GALNT7: variants seen among roughly 807,000 people sequenced by gnomAD.
GALNT7 encodes polypeptide N-acetylgalactosaminyltransferase 7.
Under a neutral mutation model 82.1 loss-of-function variants are expected in GALNT7, and 60 were observed. That is an observed-to-expected ratio of 0.73 (90% confidence interval 0.59 to 0.91). The LOEUF (loss-of-function observed/expected upper bound fraction) is 0.91. GALNT7 is among the 40% of genes least tolerant of loss of function. GALNT7 has a pLI of 0.00. For missense variants in GALNT7, 660 were observed against 804.2 expected (o/e 0.82, Z 2.17); for synonymous variants, 243 against 275.1 (o/e 0.88, Z 1.15).
chr4:173,238,193 CT>C (rs751939482), intron 1 of GALNT7, among the ~76,000 whole-genome samples: 6 of 151,982 alleles, frequency 3.9e-5, no homozygotes, highest in Non-Finnish European at 7.4e-5. Context: ...TCTTTCATTA[CT>C]TTGCTTTCAT....
intron 2 of GALNT7, among the ~76,000 whole-genome samples, chr4:173,276,623 T>C (rs1735922571): frequency 6.6e-6 from 1 of 152,170 alleles, no homozygotes; most frequent in Non-Finnish European, 1.5e-5. Context: ...TAGCTATCCA[T>C]CAGAGAGGGA....
In GALNT7 at chr4:173,317,719, TG is replaced by T; in HGVS notation, c.1697del (p.Gly566GlufsTer21). 6.2e-7 allele frequency: 1 copy of T among 1,606,888 alleles called. No individual in the cohort carries two copies. Among genetic ancestry groups the T allele is most frequent in the Non-Finnish European group, 8.5e-7 (1 of 1,173,454 alleles). The part of the protein sequence containing the change: ...GFVELGPCHR[M>X]GGNQLFRINE... Reference sequence around the variant, plus strand: ...GTTGAACTAGGACCCTGCCACAGGATGGGAGGGAATCAGGTAAACCACCTTA... The same window carrying T: ...GTTGAACTAGGACCCTGCCACAGGATGGAGGGAATCAGGTAAACCACCTTA... On this transcript the variant is annotated frameshift_variant, in exon 10 of 12. Coordinates refer to ENST00000265000, the MANE Select transcript of GALNT7 (RefSeq NM_017423.3). LOFTEE classifies it high-confidence loss of function.
At chr4:173,269,023 G>A (rs967436525) in intron 2 of GALNT7, among the ~76,000 whole-genome samples, 4 of 151,988 alleles carry the variant, frequency 2.6e-5, no homozygotes, top group African/African-American at 9.7e-5. Context: ...ATAGTTAGTG[G>A]GCAAAATGCC....
chr4:173,208,766 C>G (rs1733180593), intron 1 of GALNT7, among the ~76,000 whole-genome samples: 1 of 152,142 alleles, frequency 6.6e-6, no homozygotes, highest in Admixed American at 6.5e-5. Context: ...GCAAATGTGC[C>G]TAGCTTGCCA....
At chr4:173,182,352 T>C (rs1334590355) in intron 1 of GALNT7, among the ~76,000 whole-genome samples, 2 of 152,200 alleles carry the variant, frequency 1.3e-5, no homozygotes, top group East Asian at 3.8e-4. Flanking sequence ...TTCAGTATTT[T>C]TGTTTTCTGG....
intron 5 of GALNT7, among the ~76,000 whole-genome samples, chr4:173,296,518 G>A (rs1010938639): frequency 1.2e-4 from 19 of 152,190 alleles, no homozygotes; most frequent in African/African-American, 4.6e-4. Flanking sequence ...TAATGTGAAG[G>A]CCGAACATGA....
intron 1 of GALNT7, among the ~76,000 whole-genome samples, chr4:173,187,993 T>G (rs181740549): frequency 1.8e-4 from 28 of 152,344 alleles, no homozygotes; most frequent in Non-Finnish European, 3.5e-4. Context: ...GGCTCTTCTT[T>G]TCTATGTCTT....
chr4:173,284,399 A>G (rs1736234242), intron 2 of GALNT7, among the ~76,000 whole-genome samples: 1 of 152,244 alleles, frequency 6.6e-6, no homozygotes, highest in Admixed American at 6.5e-5. Flanking sequence ...GCAAATATTC[A>G]GACATTAGAA....
chr4:173,304,222 C>A, intron 8 of GALNT7, 104 bp downstream of exon 8: 1 of 877,780 alleles, frequency 1.1e-6, no homozygotes, highest in Non-Finnish European at 1.7e-6. Flanking sequence ...GGCTCTTCAG[C>A]AGTCATGTTG....
At chr4:173,300,423 G>A (rs775981401) in intron 6 of GALNT7, among the ~76,000 whole-genome samples, 9 of 152,224 alleles carry the variant, frequency 5.9e-5, no homozygotes, top group Non-Finnish European at 1.3e-4. Flanking sequence ...TTTATGGAAA[G>A]ATGAACCTAA....
chr4:173,227,241 G>A (rs1451391717), intron 1 of GALNT7, among the ~76,000 whole-genome samples: 2 of 152,128 alleles, frequency 1.3e-5, no homozygotes, highest in Non-Finnish European at 2.9e-5. Context: ...AGTATCTTGA[G>A]GAAGATTGAA....
rs1732041313 is a variant in GALNT7, at chr4:173,176,305, G to A, written c.126+7344G>A. Among the ~76,000 whole-genome samples, 11 of 152,156 alleles carry A rather than the reference G, an allele frequency of 7.2e-5. 3 individuals carry two copies. The South Asian group carries it at 2.3e-3, about 32-fold the overall frequency. ...TGGCCGGAGTTTGTTGAGTTTGGAG[G>A]TAGTACAGTACGGGATGAGCTTGAA... On this transcript the variant is annotated intron_variant, in intron 1 of 11. Coordinates refer to ENST00000265000, the MANE Select transcript of GALNT7 (RefSeq NM_017423.3).
chr4:173,316,882 T>C (rs1489002488), intron 9 of GALNT7: 1 of 152,276 alleles, frequency 6.6e-6, no homozygotes, highest in Non-Finnish European at 1.5e-5. Context: ...CACACCTCTG[T>C]CCTGACTGGT....
chr4:173,240,806 T>C (rs1244444664), intron 1 of GALNT7, among the ~76,000 whole-genome samples: 1 of 152,214 alleles, frequency 6.6e-6, no homozygotes, highest in East Asian at 1.9e-4. Context: ...CTTGTTTGGC[T>C]TCTTCAATGA....
chr4:173,277,151 G>T (rs1735941534), intron 2 of GALNT7, among the ~76,000 whole-genome samples: 1 of 152,126 alleles, frequency 6.6e-6, no homozygotes, highest in African/African-American at 2.4e-5. Context: ...TTTAGACATG[G>T]ATTATTTGCC....
At chr4:173,232,383 C>T (rs182854984) in intron 1 of GALNT7, among the ~76,000 whole-genome samples, 1 of 151,718 alleles carries the variant, frequency 6.6e-6, no homozygotes, top group Admixed American at 6.6e-5. Context: ...TTGATACATG[C>T]ATACAGTGTG....
intron 6 of GALNT7, among the ~76,000 whole-genome samples, chr4:173,299,366 G>A (rs1286255711): frequency 6.6e-6 from 1 of 151,862 alleles, no homozygotes; most frequent in Non-Finnish European, 1.5e-5. Flanking sequence ...AAATAACTGT[G>A]GGAGAAAAAA....
At chr4:173,273,774 CCTT>C (rs1735808608) in intron 2 of GALNT7, among the ~76,000 whole-genome samples, 1 of 152,128 alleles carries the variant, frequency 6.6e-6, no homozygotes, top group Admixed American at 6.5e-5. Flanking sequence ...CTTTTTCCCT[CCTT>C]CTATTTTTAA....
intron 11 of GALNT7, among the ~76,000 whole-genome samples, chr4:173,321,132 G>T (rs1363271364): frequency 6.6e-6 from 1 of 152,130 alleles, no homozygotes; most frequent in Admixed American, 6.6e-5. Context: ...CATATGGTGA[G>T]GGCCAAACCA....
Sources: gnomAD v4.1 joint callset for allele counts (sites outside exome capture counted in the v4.1 genomes callset) on GRCh38, gnomAD v4.1.1 for gene constraint, MANE v1.5 for transcripts, NCBI Gene and HGNC (gene_info 2026-07-23, HGNC 2026-07-21) for gene names.